TMEM129: variants seen among roughly 807,000 people sequenced by gnomAD.
The protein encoded by TMEM129 is transmembrane protein 129, E3 ubiquitin ligase.
Under a neutral mutation model 34.1 loss-of-function variants are expected in TMEM129, and 35 were observed. The ratio of observed to expected loss-of-function variants is 1.03; its 90% confidence interval spans 0.78 to 1.36. The LOEUF is 1.36. TMEM129 is among the 40% of genes most tolerant of loss of function. The pLI is 0.00. For missense variants in TMEM129, 504 were observed against 512.6 expected (o/e 0.98, Z 0.16); for synonymous variants, 239 against 217.3 (o/e 1.10, Z -0.88).
chr4:1,720,770 G>A lies in TMEM129; in HGVS notation c.68C>T (p.Pro23Leu). 1 of 1,592,472 alleles carries A rather than the reference G, an allele frequency of 6.3e-7. No individual in the cohort carries two copies. The highest frequency in any genetic ancestry group is 8.5e-7 in the Non-Finnish European group (1 of 1,170,914). ...GAGCCCCGCCGCGTGGAACTCGTTGGGCGTGAACACGAAGCACACGGCGAA... is the reference window on the plus strand; with the variant it reads ...GAGCCCCGCCGCGTGGAACTCGTTGAGCGTGAACACGAAGCACACGGCGAA... ...LVFAVCFVFT[P>L]NEFHAAGLTV... Residue 23 changes from proline to leucine, a missense_variant, in exon 1 of 4, where the codon CCC becomes CTC. Transcript: ENST00000382936. This position sits in a 1 kb window ranked among gnomAD's most constrained non-coding sequence, Gnocchi z 4.4.
Position 1,720,294 on chromosome 4 carries a change from TC to T in TMEM129, c.205+338del, listed in dbSNP as rs150022703. Among the ~76,000 whole-genome samples the T allele has an allele frequency of 1.3e-5, 2 of 152,262 alleles. No homozygotes were observed. The highest frequency in any genetic ancestry group is 2.9e-5 in the Non-Finnish European group (2 of 68,002). On this transcript the variant is annotated intron_variant, in intron 1 of 3. Transcript: ENST00000382936. This position sits in a 1 kb window ranked among gnomAD's most constrained non-coding sequence, Gnocchi z 4.4. ...CTCCGACCCCTTCCGTTGGACTCAA[TC>T]AACAGTTGCCTTCTCCTGGCCACTG...
chr4:1,717,628 G>A lies in TMEM129; in HGVS notation c.728C>T (p.Pro243Leu). 1.3e-6 allele frequency: 2 copies of A among 1,547,088 alleles called. No homozygotes were observed. The highest frequency in any genetic ancestry group is 1.7e-6 in the Non-Finnish European group (2 of 1,144,898). Residue 243 changes from proline to leucine, a missense_variant, in exon 3 of 4, where the codon CCC becomes CTC. Physicochemically the swap from Pro to Leu is moderately conservative, Grantham distance 98. Transcript: ENST00000382936. ...GACCACATGGGCTGCCCTGCGGATG[G>A]GTGCCCGGAGCTTCTCGCAGAGCTC... ...YGELCEKLRA[P>L]IRRAAHVVIH... is the part of the protein sequence containing the mutation.
intron 3 of TMEM129, 36 bp from the exon 4 acceptor site, chr4:1,717,464 A>C: frequency 6.7e-7 from 1 of 1,501,228 alleles, no homozygotes; most frequent in Non-Finnish European, 9.0e-7. Flanking sequence ...GAGCCCAGGC[A>C]GACACCCGTG....
rs888958348 is a variant in TMEM129, at chr4:1,718,049, G to C, written c.680+103C>G. 9.9e-6 allele frequency: 11 copies of C among 1,111,144 alleles called. No individual in the cohort carries two copies. The East Asian group carries it at 2.6e-4, about 26-fold the overall frequency. The allele number at this position is 1,111,144 out of a possible 1,614,324, so 68.8% of individuals were successfully genotyped here. On this transcript the variant is annotated intron_variant, in intron 2 of 3. Coordinates refer to ENST00000382936, the MANE Select transcript of TMEM129 (RefSeq NM_001127266.2). ...GTCACACAAGCCCAGGAGTGTTGGA[G>C]TCCACACCAGCTACACCCAGCACCT...
Position 1,718,492 on chromosome 4 carries a change from A to G in TMEM129, c.340T>C (p.Trp114Arg). 1 of 1,547,730 alleles carries G rather than the reference A, an allele frequency of 6.5e-7. No homozygotes were observed. The highest frequency in any genetic ancestry group is 1.4e-5 in the African/African-American group (1 of 73,294). Residue 114 changes from tryptophan (W) to arginine (R), a missense_variant, in exon 2 of 4, where the codon TGG becomes CGG. By Grantham distance (101) the Trp-to-Arg change is moderately radical. Coordinates refer to ENST00000382936, the MANE Select transcript of TMEM129 (RefSeq NM_001127266.2). The stretch of plus-strand genomic sequence containing the variant: ...TGGCAGGCCCACCGGTCACGGGACC[A>G]GTAGTAGATCAGGATGCAGGCGATG... The part of the protein sequence containing the change: ...PSIACILIYY[W>R]SRDRWACHPL...
chr4:1,720,878 CG>C lies in TMEM129; in HGVS notation c.-42del. On this transcript the variant is annotated 5_prime_UTR_variant, in exon 1 of 4. Transcript: ENST00000382936. This position sits in a 1 kb window ranked among gnomAD's most constrained non-coding sequence, Gnocchi z 4.4. Reference sequence around the variant, plus strand: ...AAGCTGTCGAGCTAGGCCCCCGCCCCGGCGCGCGGACGAGGCCGCAGCGCCC... The same window carrying C: ...AAGCTGTCGAGCTAGGCCCCCGCCCCGCGCGCGGACGAGGCCGCAGCGCCC... 1 of 1,531,378 alleles carries C rather than the reference CG, an allele frequency of 6.5e-7. No individual in the cohort carries two copies. Among genetic ancestry groups the C allele is most frequent in the Non-Finnish European group, 8.8e-7 (1 of 1,136,360 alleles). The allele number at this position is 1,531,378 out of a possible 1,614,324, so 94.9% of individuals were successfully genotyped here. A position where few individuals can be genotyped will look rare whatever the true frequency, so the allele number is the denominator to read the frequency against.
rs372318970 is a variant in TMEM129, at chr4:1,720,801, G to A, written c.37C>T (p.Leu13=). 7 of 1,595,144 alleles carry A rather than the reference G, an allele frequency of 4.4e-6. No homozygotes were observed. Among genetic ancestry groups the A allele is most frequent in the Non-Finnish European group, 6.0e-6 (7 of 1,172,120 alleles). The change falls in exon 1 of 4, where the codon CTG becomes TTG. Residue 13 remains leucine (L), a synonymous_variant. Transcript: ENST00000382936. The surrounding 1 kb of genome is among the most constrained non-coding windows in gnomAD (Gnocchi z 4.4). ...AACACGAAGCACACGGCGAACACCA[G>A]ATAGGCGAGAGTGAAGGTCACCTCG... is the stretch of plus-strand genomic sequence containing the variant. ...SPEVTFTLAY[L]VFAVCFVFTP...
intron 1 of TMEM129, among the ~76,000 whole-genome samples, chr4:1,719,679 G>C (rs974063085): frequency 6.6e-6 from 1 of 152,200 alleles, no homozygotes; most frequent in Non-Finnish European, 1.5e-5. Context: ...GTCCCTCATA[G>C]GCCTCTGGGG....
rs1716997931 is a variant in TMEM129, at chr4:1,717,112, C to A, written c.*68G>T. 7.3e-7 allele frequency: 1 copy of A among 1,375,898 alleles called. No homozygotes were observed. The highest frequency in any genetic ancestry group is 9.4e-7 in the Non-Finnish European group (1 of 1,065,096). 85.2% of individuals were successfully genotyped at this position (1,375,898 alleles called of 1,614,324 possible). ...AGAGCCCTTTGCCAGCCAGGAGGCC[C>A]AGCCACCCCCTTCCCTGCCCTGTGG... On this transcript the variant is annotated 3_prime_UTR_variant, in exon 4 of 4. Transcript: ENST00000382936.
At chr4:1,719,837 G>T (rs888164926) in intron 1 of TMEM129, among the ~76,000 whole-genome samples, 2 of 152,132 alleles carry the variant, frequency 1.3e-5, no homozygotes, top group African/African-American at 4.8e-5. Context: ...GCCTCCACCC[G>T]ACACCTGCCT....
Position 1,720,613 on chromosome 4 carries a change from G to T in TMEM129, c.205+20C>A. On this transcript the variant is annotated intron_variant, in intron 1 of 3. Coordinates refer to ENST00000382936, the MANE Select transcript of TMEM129 (RefSeq NM_001127266.2). The surrounding 1 kb of genome is among the most constrained non-coding windows in gnomAD (Gnocchi z 4.4). ...CCCTGCGCAGGAGAGGATGCGGCCGGCCGGCCCGAGCAGCCTCACCGAGCG... is the reference window on the plus strand; with the variant it reads ...CCCTGCGCAGGAGAGGATGCGGCCGTCCGGCCCGAGCAGCCTCACCGAGCG... The T allele has an allele frequency of 6.5e-7, 1 of 1,531,004 alleles. No individual in the cohort carries two copies. 94.8% of individuals were successfully genotyped at this position (1,531,004 alleles called of 1,614,324 possible).
In TMEM129 at chr4:1,716,866, C is replaced by T. The variant is rs1418638298; in HGVS notation, c.*314G>A. The T allele has an allele frequency of 2.9e-6, 1 of 340,800 alleles. No homozygotes were observed. Among genetic ancestry groups the T allele is most frequent in the Non-Finnish European group, 5.3e-6 (1 of 188,798 alleles). The allele number at this position is 340,800 out of a possible 1,614,324, so 21.1% of individuals were successfully genotyped here. On this transcript the variant is annotated 3_prime_UTR_variant, in exon 4 of 4. Transcript: ENST00000382936. ...CCACCTGGGGTAGACCCAGGGTCTCCAGGGAATGGCTCGGGGGCAGACGCT... is the reference window on the plus strand; with the variant it reads ...CCACCTGGGGTAGACCCAGGGTCTCTAGGGAATGGCTCGGGGGCAGACGCT...
At position 1,720,423 on chromosome 4, in the gene TMEM129, C is replaced by G. The variant is rs1317347076; in HGVS notation, c.205+210G>C. Among the ~76,000 whole-genome samples, 1 of 152,260 alleles carries G rather than the reference C, an allele frequency of 6.6e-6. No homozygotes were observed. The highest frequency in any genetic ancestry group is 1.5e-5 in the Non-Finnish European group (1 of 68,042). On this transcript the variant is annotated intron_variant, in intron 1 of 3. Coordinates refer to ENST00000382936, the MANE Select transcript of TMEM129 (RefSeq NM_001127266.2). This position sits in a 1 kb window ranked among gnomAD's most constrained non-coding sequence, Gnocchi z 4.4. Reference sequence around the variant, plus strand: ...AGCATCCCTTGCCCAAGGTTCTGAACTTGGGTTCCCGTCACCTGCAAGTCA... The same window carrying G: ...AGCATCCCTTGCCCAAGGTTCTGAAGTTGGGTTCCCGTCACCTGCAAGTCA...
rs1230886091 is a variant in TMEM129, at chr4:1,718,428, T to C, written c.404A>G (p.Gln135Arg). The change falls in exon 2 of 4, where the codon CAG becomes CGG. Residue 135 changes from glutamine to arginine, a missense_variant. Physicochemically the swap from Gln to Arg is conservative, Grantham distance 43. Coordinates refer to ENST00000382936, the MANE Select transcript of TMEM129 (RefSeq NM_001127266.2). ...GGAGGCAACAGCCTGCCAGCCAGAC[T>C]GTGGGAGGGCGTAGAGGGCCAGGGT... The part of the protein sequence containing the change: ...ARTLALYALP[Q>R]SGWQAVASSV... 1 of 1,595,396 alleles carries C rather than the reference T, an allele frequency of 6.3e-7. No individual in the cohort carries two copies. Among genetic ancestry groups the C allele is most frequent in the African/African-American group, 1.3e-5 (1 of 74,558 alleles).
Position 1,721,081 on chromosome 4 carries a change from A to G in TMEM129, c.-244T>C, listed in dbSNP as rs6846887. Reference sequence around the variant, plus strand: ...CCCGCCGCCCGGCCGCCCGCGGGGCACTCTAGGGCATGGAGTCCCGCCGCT... The same window carrying G: ...CCCGCCGCCCGGCCGCCCGCGGGGCGCTCTAGGGCATGGAGTCCCGCCGCT... On this transcript the variant is annotated 5_prime_UTR_variant, in exon 1 of 4. Transcript: ENST00000382936. 3.6e-6 allele frequency: 1 copy of G among 281,572 alleles called. No individual in the cohort carries two copies. Among genetic ancestry groups the G allele is most frequent in the Non-Finnish European group, 6.5e-6 (1 of 154,442 alleles). 17.4% of individuals were successfully genotyped at this position (281,572 alleles called of 1,614,324 possible). A position where few individuals can be genotyped will look rare whatever the true frequency, so the allele number is the denominator to read the frequency against.
Position 1,717,337 on chromosome 4 carries a change from TGCTGGCACTCGCCTGTG to T in TMEM129, c.915_931del (p.Thr306ValfsTer26). 1 of 1,537,016 alleles carries T rather than the reference TGCTGGCACTCGCCTGTG, an allele frequency of 6.5e-7. No homozygotes were observed. The highest frequency in any genetic ancestry group is 2.5e-5 in the East Asian group (1 of 40,474). On this transcript the variant is annotated frameshift_variant, in exon 4 of 4. Transcript: ENST00000382936. LOFTEE classifies it high-confidence loss of function. ...GCACCACATGGGGCGGCAGTAACAC[TGCTGGCACTCGCCTGTG>T]GCTGCCTCCTGGCAGGTCTTCACCA...
At position 1,720,262 on chromosome 4, in the gene TMEM129, A is replaced by T. The variant is rs1717226406; in HGVS notation, c.205+371T>A. On this transcript the variant is annotated intron_variant, in intron 1 of 3. Coordinates refer to ENST00000382936, the MANE Select transcript of TMEM129 (RefSeq NM_001127266.2). This position sits in a 1 kb window ranked among gnomAD's most constrained non-coding sequence, Gnocchi z 4.4. ...GGCCTAGTGCAGTGCCACCCTCCAC[A>T]CAGCCCCTCCGACCCCTTCCGTTGG... Among the ~76,000 whole-genome samples, 1 of 151,988 alleles carries T rather than the reference A, an allele frequency of 6.6e-6. No individual in the cohort carries two copies. Among genetic ancestry groups the T allele is most frequent in the Admixed American group, 6.5e-5 (1 of 15,282 alleles).
Position 1,717,531 on chromosome 4 carries a change from T to C in TMEM129, c.825A>G (p.Ser275=). The part of the protein sequence containing the change: ...ASLVEVNPAY[S]VPSSQELEAC... ...GGCCCCCCACCTGGCTGCTGGGCAC[T>C]GAGTAGGCCGGGTTGACCTCTACCA... Residue 275 remains serine (S), a synonymous_variant, in exon 3 of 4, where the codon TCA becomes TCG. Transcript: ENST00000382936. The C allele has an allele frequency of 6.5e-7, 1 of 1,533,932 alleles. No homozygotes were observed. The highest frequency in any genetic ancestry group is 8.8e-7 in the Non-Finnish European group (1 of 1,136,352).
Position 1,718,211 on chromosome 4 carries a change from C to T in TMEM129, c.621G>A (p.Val207=), listed in dbSNP as rs1247838614. ...TGGCCACACGGATGGTGAGGAGCTG[C>T]ACGGGCAAGTTCGAGTCTGGCGAGA... ...HELSPDSNLP[V]QLLTIRVAST... is the part of the protein sequence containing the mutation. Residue 207 remains valine, a synonymous_variant, in exon 2 of 4, where the codon GTG becomes GTA. Transcript: ENST00000382936. 6.3e-7 allele frequency: 1 copy of T among 1,594,990 alleles called. No homozygotes were observed. Among genetic ancestry groups the T allele is most frequent in the African/African-American group, 1.3e-5 (1 of 74,644 alleles).
Sources: gnomAD v4.1 joint callset for allele counts (sites outside exome capture counted in the v4.1 genomes callset) on GRCh38, gnomAD v4.1.1 for gene constraint, Gnocchi (gnomAD v3.1) non-coding constraint, MANE v1.5 for transcripts, NCBI Gene and HGNC (gene_info 2026-07-23, HGNC 2026-07-21) for gene names.